RABL3: variants seen among roughly 807,000 people sequenced by gnomAD.
RABL3 encodes the protein rab-like protein 3.
Under a neutral mutation model 31.8 loss-of-function variants are expected in RABL3, and 31 were observed. That is an observed-to-expected ratio of 0.97 (90% CI 0.73 to 1.31). The LOEUF is 1.31. Ranked by LOEUF, RABL3 falls within the 40% of genes most tolerant of loss-of-function variation. RABL3 has a pLI of 0.00. For missense variants in RABL3, 263 were observed against 279.6 expected (o/e 0.94, Z 0.42); for synonymous variants, 97 against 99.9 (o/e 0.97, Z 0.18).
At chr3:120,735,004 T>G (rs1708937898) in intron 1 of RABL3, among the ~76,000 whole-genome samples, 1 of 152,248 alleles carries the variant, frequency 6.6e-6, no homozygotes, top group Admixed American at 6.5e-5. Context: ...TCTAAAATTC[T>G]CTTTTTTTGT....
At position 120,687,659 on chromosome 3, in the gene RABL3, T is replaced by C. The variant is rs1193355296; in HGVS notation, c.*2164A>G. On this transcript the variant is annotated 3_prime_UTR_variant, in exon 8 of 8. Transcript: ENST00000273375. ...TTAGATTATTAAAAACTATTTTTTC[T>C]TAGAAAACTATAATTCAAGGAATCA... The C allele has an allele frequency of 6.6e-6, 1 of 152,142 alleles. No individual in the cohort carries two copies. The highest frequency in any genetic ancestry group is 2.1e-4 in the South Asian group (1 of 4,830). 9.4% of individuals were successfully genotyped at this position (152,142 alleles called of 1,614,324 possible). A position where few individuals can be genotyped will look rare whatever the true frequency, so the allele number is the denominator to read the frequency against.
At chr3:120,702,918 T>A (rs1708510548) in intron 4 of RABL3, among the ~76,000 whole-genome samples, 1 of 152,162 alleles carries the variant, frequency 6.6e-6, no homozygotes, top group Non-Finnish European at 1.5e-5. Flanking sequence ...AAACTCCCAT[T>A]GCTTTTATTC....
intron 4 of RABL3, among the ~76,000 whole-genome samples, chr3:120,703,329 C>A: frequency 6.6e-6 from 1 of 152,054 alleles, no homozygotes; most frequent in East Asian, 1.9e-4. Context: ...AACTAAACAA[C>A]ACATTTCTAA....
chr3:120,732,726 A>G (rs1379734154), intron 1 of RABL3, among the ~76,000 whole-genome samples: 1 of 33,354 alleles, frequency 3.0e-5, no homozygotes, highest in South Asian at 1.1e-3. Context: ...CCCCTACCCC[A>G]CAACAGGCCC....
chr3:120,709,317 G>A (rs1180834961), intron 3 of RABL3, among the ~76,000 whole-genome samples: 1 of 151,776 alleles, frequency 6.6e-6, no homozygotes, highest in Non-Finnish European at 1.5e-5. Context: ...CACCCATAAA[G>A]ACCCCCTTAA....
At chr3:120,734,053 T>C (rs1252230067) in intron 1 of RABL3, among the ~76,000 whole-genome samples, 1 of 152,212 alleles carries the variant, frequency 6.6e-6, no homozygotes. Flanking sequence ...TGGTTCCACG[T>C]GAACTTTAGT....
intron 3 of RABL3, among the ~76,000 whole-genome samples, chr3:120,706,712 TTATG>T (rs1375803297): frequency 1.3e-5 from 2 of 151,968 alleles, no homozygotes; most frequent in African/African-American, 4.8e-5. Context: ...TAATGATTAG[TTATG>T]TAAGCTTCCT....
chr3:120,718,629 T>A (rs1029684676), intron 2 of RABL3, among the ~76,000 whole-genome samples: 1 of 152,228 alleles, frequency 6.6e-6, no homozygotes, highest in African/African-American at 2.4e-5. Context: ...AGTCAGAATA[T>A]CTGGGGGCAA....
In RABL3 at chr3:120,685,231, A is replaced by G. The variant is rs1026244194; in HGVS notation, c.*4592T>C. Among the ~76,000 whole-genome samples, 1 of 152,228 alleles carries G rather than the reference A, an allele frequency of 6.6e-6. No homozygotes were observed. Among genetic ancestry groups the G allele is most frequent in the Non-Finnish European group, 1.5e-5 (1 of 68,036 alleles). On this transcript the variant is annotated 3_prime_UTR_variant, in exon 8 of 8. Coordinates refer to ENST00000273375, the MANE Select transcript of RABL3 (RefSeq NM_173825.5). Reference sequence around the variant, plus strand: ...ATGTGAAGCAGGGTGTGACAGGTCTACAGAGTAATCACTCCAAAACGGAGT... The same window carrying G: ...ATGTGAAGCAGGGTGTGACAGGTCTGCAGAGTAATCACTCCAAAACGGAGT...
chr3:120,693,644 TA>T (rs142261370), intron 6 of RABL3, among the ~76,000 whole-genome samples: 39,135 of 152,014 alleles, frequency 0.26, 5,790 homozygotes, highest in Non-Finnish European at 0.33. Flanking sequence ...CTGAGGACAA[TA>T]AAACAATGTT....
intron 1 of RABL3, among the ~76,000 whole-genome samples, chr3:120,736,334 A>C (rs1168669858): frequency 1.3e-5 from 2 of 152,008 alleles, no homozygotes; most frequent in Non-Finnish European, 2.9e-5. Context: ...TTGTTGTTTA[A>C]AGTCTGTTTT....
At chr3:120,738,389 G>A (rs928890957) in intron 1 of RABL3, 1 of 152,432 alleles carries the variant, frequency 6.6e-6, no homozygotes, top group Non-Finnish European at 1.5e-5. Context: ...AATTTTCCAG[G>A]TGCTGTCTGT....
In RABL3 at chr3:120,687,894, T is replaced by G. The variant is rs576537254; in HGVS notation, c.*1929A>C. On this transcript the variant is annotated 3_prime_UTR_variant, in exon 8 of 8. Coordinates refer to ENST00000273375, the MANE Select transcript of RABL3 (RefSeq NM_173825.5). The stretch of plus-strand genomic sequence containing the variant: ...TCACTGCAACCTCCACCTCCCAGGT[T>G]CAAGTGATTCTCCTGCCTCAGCCTC... 6.6e-6 allele frequency: 1 copy of G among 152,134 alleles called. No homozygotes were observed. The highest frequency in any genetic ancestry group is 2.1e-4 in the South Asian group (1 of 4,818). 9.4% of individuals were successfully genotyped at this position (152,134 alleles called of 1,614,324 possible).
chr3:120,710,679 C>T (rs1449770111), intron 2 of RABL3: 4 of 152,084 alleles, frequency 2.6e-5, no homozygotes, highest in Non-Finnish European at 4.4e-5. Context: ...CCAGTTCTCC[C>T]GTCTCTCCCT....
chr3:120,692,884 A>G lies in RABL3; in HGVS notation c.606+1269T>C, dbSNP rs994609448. 7.2e-5 allele frequency among the ~76,000 whole-genome samples: 11 copies of G among 152,184 alleles called. No individual in the cohort carries two copies. In the South Asian group the frequency reaches 2.1e-3, roughly 29 times the overall value. On this transcript the variant is annotated intron_variant, in intron 6 of 7. Transcript: ENST00000273375. Reference sequence around the variant, plus strand: ...GATCTTTCCAGGTCAGGGCAGATCTATAAGATGTTGCTCATAAGGGACAGA... The same window carrying G: ...GATCTTTCCAGGTCAGGGCAGATCTGTAAGATGTTGCTCATAAGGGACAGA...
intron 1 of RABL3, among the ~76,000 whole-genome samples, chr3:120,742,076 T>A (rs948067969): frequency 1.3e-5 from 2 of 151,978 alleles, no homozygotes; most frequent in Admixed American, 1.3e-4. Flanking sequence ...ACTTCCTTAA[T>A]GAACAAAATC....
intron 2 of RABL3, among the ~76,000 whole-genome samples, chr3:120,722,808 G>A (rs1282278161): frequency 6.6e-6 from 1 of 151,768 alleles, no homozygotes; most frequent in African/African-American, 2.4e-5. Flanking sequence ...GTGTGTAGAG[G>A]GAAATTTATA....
intron 1 of RABL3, among the ~76,000 whole-genome samples, chr3:120,737,714 T>C (rs927761262): frequency 6.6e-6 from 1 of 152,236 alleles, no homozygotes; most frequent in Non-Finnish European, 1.5e-5. Context: ...GTGGATGTCC[T>C]TTCTGTTTGT....
chr3:120,728,507 T>C (rs560417849), intron 2 of RABL3, among the ~76,000 whole-genome samples: 2 of 152,272 alleles, frequency 1.3e-5, no homozygotes, highest in South Asian at 4.1e-4. Context: ...GAACTTGCTA[T>C]TGGGTCTCCC....
Sources: allele counts gnomAD v4.1 joint callset (sites outside exome capture counted in the v4.1 genomes callset), GRCh38; gene constraint gnomAD v4.1.1; transcripts MANE v1.5; gene names NCBI Gene and HGNC (gene_info 2026-07-23, HGNC 2026-07-21).